Variants in BLTP1 observed in about 807,000 individuals in gnomAD.
BLTP1 encodes the protein fragile site-associated protein.
the BLTP1 span, chr4:122,189,615 A>T: frequency 1.1e-6 from 1 of 921,206 alleles, no homozygotes. Context: ...GCAGAATATG[A>T]TCATTTTATT....
chr4:122,235,321 G>C, the BLTP1 span: 1 of 981,262 alleles, frequency 1.0e-6, no homozygotes, highest in Non-Finnish European at 1.2e-6. Flanking sequence ...CTGTAGCACA[G>C]CATCCAGATA....
the BLTP1 span, chr4:122,258,924 G>A: frequency 4.0e-6 from 3 of 750,854 alleles, no homozygotes; most frequent in South Asian, 2.1e-5. Context: ...TAAATGTTAG[G>A]TGTCCACCCT....
At chr4:122,314,519 T>TA in the BLTP1 span, among the ~76,000 whole-genome samples, 2 of 152,164 alleles carry the variant, frequency 1.3e-5, no homozygotes, top group African/African-American at 2.4e-5. Flanking sequence ...TTTTGCTTGT[T>TA]ATAAAATTGG....
At chr4:122,242,970 A>G in the BLTP1 span, 2 of 1,336,222 alleles carry the variant, frequency 1.5e-6, no homozygotes, top group Non-Finnish European at 2.1e-6. Context: ...TATATTAAAA[A>G]TCTAGACTAT....
At chr4:122,209,941 A>G in the BLTP1 span, 1 of 1,609,592 alleles carries the variant, frequency 6.2e-7, no homozygotes. Flanking sequence ...GTTTTTATAT[A>G]ATTTGTGCTT....
At chr4:122,187,993 T>C in the BLTP1 span, 1 of 1,599,002 alleles carries the variant, frequency 6.3e-7, no homozygotes. Context: ...CTTCAAGTCA[T>C]CTTGACCAAT....
chr4:122,325,644 A>T, the BLTP1 span: 1 of 1,082,042 alleles, frequency 9.2e-7, no homozygotes, highest in South Asian at 1.9e-5. Context: ...CACAAATGTA[A>T]ACGTGGAATA....
chr4:122,197,116 T>G, the BLTP1 span: 3 of 766,352 alleles, frequency 3.9e-6, no homozygotes, highest in Non-Finnish European at 6.0e-6. Context: ...TAATTTCTTC[T>G]GTAATAATAA....
chr4:122,292,559 T>G, the BLTP1 span: 13 of 872,088 alleles, frequency 1.5e-5, no homozygotes, highest in Non-Finnish European at 1.7e-5. Flanking sequence ...GAAAATAGTA[T>G]GTTAACGAAG....
the BLTP1 span, among the ~76,000 whole-genome samples, chr4:122,297,101 C>T: frequency 2.0e-5 from 3 of 152,082 alleles, no homozygotes. Context: ...GCTGCTTCTG[C>T]ACAGCAAAAG....
chr4:122,281,774 G>A, the BLTP1 span: 1 of 1,520,766 alleles, frequency 6.6e-7, no homozygotes, highest in Middle Eastern at 1.8e-4. Context: ...TGGAATGACA[G>A]GTAATATTGA....
chr4:122,195,067 G>A, the BLTP1 span, among the ~76,000 whole-genome samples: 2 of 152,054 alleles, frequency 1.3e-5, no homozygotes, highest in Non-Finnish European at 2.9e-5. Flanking sequence ...ACTGTAATCA[G>A]TAATGAATAG....
the BLTP1 span, chr4:122,340,849 G>T: frequency 2.0e-5 from 19 of 936,772 alleles, no homozygotes; most frequent in African/African-American, 3.4e-4. Flanking sequence ...AAGTACTAAA[G>T]GTGAAATGAA....
chr4:122,224,031 T>G, the BLTP1 span: 1 of 977,758 alleles, frequency 1.0e-6, no homozygotes, highest in African/African-American at 1.8e-5. Flanking sequence ...TCCTTGTATT[T>G]ACATAGTCCT....
chr4:122,245,115 A>G, the BLTP1 span: 7 of 1,610,618 alleles, frequency 4.3e-6, no homozygotes, highest in South Asian at 7.7e-5. Flanking sequence ...GCTGTCCAAA[A>G]TAGCAAGACT....
At chr4:122,186,100 C>G in the BLTP1 span, 1 of 1,612,090 alleles carries the variant, frequency 6.2e-7, no homozygotes, top group Non-Finnish European at 8.5e-7. Flanking sequence ...TCTATAATCG[C>G]TCGGATCTTT....
chr4:122,309,165 T>C, the BLTP1 span: 5 of 1,459,804 alleles, frequency 3.4e-6, no homozygotes, highest in Non-Finnish European at 4.6e-6. Flanking sequence ...ATATCTAGGC[T>C]TGACCGTTTC....
the BLTP1 span, chr4:122,235,598 G>T: frequency 9.8e-6 from 3 of 306,056 alleles, no homozygotes; most frequent in Admixed American, 6.5e-5. Context: ...GAGGTCAGGA[G>T]ATCAAGACCA....
chr4:122,241,847 G>A, the BLTP1 span, among the ~76,000 whole-genome samples: 2 of 152,106 alleles, frequency 1.3e-5, no homozygotes, highest in Non-Finnish European at 2.9e-5. Flanking sequence ...AATTATTTCA[G>A]TATTTTAAAT....
Sources: allele counts gnomAD v4.1 joint callset (sites outside exome capture counted in the v4.1 genomes callset), GRCh38; gene constraint gnomAD v4.1.1; transcripts MANE v1.5; gene names NCBI Gene and HGNC (gene_info 2026-07-23, HGNC 2026-07-21).